The following DCDC1 variants were observed in gnomAD, a reference collection of about 807,000 sequenced individuals.
The protein encoded by DCDC1 is doublecortin domain-containing protein 1.
DCDC1 carries 200 observed loss-of-function variants against 178.3 expected under a neutral mutation model. That is an observed-to-expected ratio of 1.12 (90% CI 1.00 to 1.26). The LOEUF (loss-of-function observed/expected upper bound fraction) is 1.26, where lower values mean the gene tolerates loss of function less well. Ranked by LOEUF, DCDC1 falls within the 50% of genes most tolerant of loss-of-function variation. The probability of loss-of-function intolerance (pLI) is 0.00; values close to 1 mark genes in which losing one functional copy is unlikely to be tolerated. For missense variants in DCDC1, 1,983 were observed against 1,749.2 expected, an observed-to-expected ratio of 1.13 and a Z score of -2.38; for synonymous variants, 690 against 604.8, an observed-to-expected ratio of 1.14 and a Z score of -2.07.
In DCDC1 at chr11:30,900,348, T is replaced by C. The variant is rs1488817824; in HGVS notation, c.4661A>G (p.Asn1554Ser). The C allele has an allele frequency of 1.3e-6, 2 of 1,520,612 alleles. No individual in the cohort carries two copies. The highest frequency in any genetic ancestry group is 2.8e-5 in the African/African-American group (2 of 71,954). The allele number at this position is 1,520,612 out of a possible 1,614,324, so 94.2% of individuals were successfully genotyped here. ...VSCGEPFLPP[N>S]ALQKAEKLEK... ...GAAAGCAAAAACAAAAAAGTTACCA[T>C]TTGGAGGTAGAAATGGTTCACCACA... is the stretch of plus-strand genomic sequence containing the variant. Residue 1554 changes from asparagine to serine, a missense_variant and splice_region_variant, in exon 33 of 39, where the codon AAT (asparagine) becomes AGT (serine). Asn to Ser is a conservative substitution (Grantham distance 46, BLOSUM62 1). Coordinates refer to ENST00000684477, the MANE Select transcript of DCDC1 (RefSeq NM_001387274.1).
At chr11:30,911,569 G>A (rs777759687) in intron 27 of DCDC1, 149 bp from the exon 28 acceptor site, 21 of 672,730 alleles carry the variant, frequency 3.1e-5, no homozygotes, top group Admixed American at 9.4e-5. Context: ...CCTACAGTAA[G>A]TGTGATGTTA....
At chr11:31,314,034 C>T (rs980257835) in intron 3 of DCDC1, among the ~76,000 whole-genome samples, 5 of 152,098 alleles carry the variant, frequency 3.3e-5, no homozygotes, top group Admixed American at 2.6e-4. Context: ...GTTCCTTTTT[C>T]AGTATGATTT....
At chr11:31,190,971 C>A (rs2136348925) in intron 9 of DCDC1, among the ~76,000 whole-genome samples, 1 of 152,166 alleles carries the variant, frequency 6.6e-6, no homozygotes. Context: ...TCTAAGGATT[C>A]TCAAGTTCTT....
intron 9 of DCDC1, among the ~76,000 whole-genome samples, chr11:31,192,161 C>G (rs1047516209): frequency 9.2e-5 from 14 of 152,072 alleles, no homozygotes; most frequent in Non-Finnish European, 2.9e-5. Flanking sequence ...CCGTTAGGAC[C>G]TCACCAGCAC....
intron 1 of DCDC1, among the ~76,000 whole-genome samples, chr11:31,338,593 A>G (rs1273378612): frequency 6.6e-6 from 1 of 152,126 alleles, no homozygotes; most frequent in Non-Finnish European, 1.5e-5. Flanking sequence ...TTCCATCTAC[A>G]TGTTGCCACT....
Position 30,906,555 on chromosome 11 carries a change from G to T in DCDC1, c.4089C>A (p.Val1363=), listed in dbSNP as rs1945080532. Residue 1363 remains valine, a synonymous_variant, in exon 30 of 39, where the codon GTC becomes GTA. Transcript: ENST00000684477. ...QKPFLQGPFK[V]ISVAEVDLSC... Reference sequence around the variant, plus strand: ...CATTACATACCTCAGCCACACTGATGACCTTGAAGGGCCCTTGTAAGAAGG... The same window carrying T: ...CATTACATACCTCAGCCACACTGATTACCTTGAAGGGCCCTTGTAAGAAGG... The T allele has an allele frequency of 1.2e-6, 2 of 1,612,684 alleles. No individual in the cohort carries two copies. The highest frequency in any genetic ancestry group is 1.3e-5 in the African/African-American group (1 of 74,872).
intron 1 of DCDC1, among the ~76,000 whole-genome samples, chr11:31,365,285 T>C (rs137930910): frequency 6.6e-6 from 1 of 152,294 alleles, no homozygotes; most frequent in East Asian, 1.9e-4. Context: ...TTTGGTGGTT[T>C]TTCTATCTTC....
At chr11:30,948,566 A>G (rs1247830885) in intron 21 of DCDC1, among the ~76,000 whole-genome samples, 1 of 152,188 alleles carries the variant, frequency 6.6e-6, no homozygotes, top group Non-Finnish European at 1.5e-5. Flanking sequence ...AAGCTAAAAG[A>G]ACAAAGCTGG....
intron 9 of DCDC1, among the ~76,000 whole-genome samples, chr11:31,182,170 C>G (rs1015131884): frequency 2.0e-5 from 3 of 152,204 alleles, no homozygotes; most frequent in Non-Finnish European, 4.4e-5. Flanking sequence ...AAACACTCTT[C>G]AGGACATTAT....
At chr11:31,202,874 C>T (rs181220167) in intron 9 of DCDC1, among the ~76,000 whole-genome samples, 78 of 152,162 alleles carry the variant, frequency 5.1e-4, no homozygotes, top group Admixed American at 2.2e-3. Context: ...CAGCAGCTGA[C>T]CCACTGTTTC....
chr11:31,156,502 C>A (rs187720439), intron 9 of DCDC1, among the ~76,000 whole-genome samples: 3,327 of 151,912 alleles, frequency 0.022, 120 homozygotes, highest in African/African-American at 0.075. Flanking sequence ...TAAAAAGAAA[C>A]AGGTAAAATT....
chr11:31,310,598 G>A (rs183572045), intron 3 of DCDC1, among the ~76,000 whole-genome samples: 5 of 151,818 alleles, frequency 3.3e-5, no homozygotes, highest in South Asian at 2.1e-4. Flanking sequence ...GGATTACACC[G>A]CGCCCAGCCT....
chr11:31,127,765 T>C, intron 10 of DCDC1, 126 bp from the exon 11 acceptor site: 1 of 575,220 alleles, frequency 1.7e-6, no homozygotes, highest in Non-Finnish European at 3.1e-6. Flanking sequence ...AGTACAGATC[T>C]ATCCTCAAGT....
chr11:31,347,072 G>A (rs1316391271), intron 1 of DCDC1, among the ~76,000 whole-genome samples: 3 of 152,124 alleles, frequency 2.0e-5, no homozygotes, highest in Non-Finnish European at 4.4e-5. Context: ...GTATTAGAGA[G>A]TACATGAGCA....
In DCDC1 at chr11:31,307,740, T is replaced by C. The variant is rs752376657; in HGVS notation, c.333A>G (p.Ile111Met). Residue 111 changes from isoleucine to methionine, a missense_variant, in exon 4 of 39, where the codon ATA becomes ATG. Ile to Met is a conservative substitution (Grantham distance 10). Transcript: ENST00000684477. ...TTGATTTGTAGCTATCTAGGTCTGA[T>C]ATTTCATCATGGCTGTGATCTGATG... is the stretch of plus-strand genomic sequence containing the variant. Reference protein sequence around the residue: ...QTASDHSHDEISDLDSYKSNS... With the variant: ...QTASDHSHDEMSDLDSYKSNS... 1 of 1,614,138 alleles carries C rather than the reference T, an allele frequency of 6.2e-7. No individual in the cohort carries two copies. The highest frequency in any genetic ancestry group is 8.5e-7 in the Non-Finnish European group (1 of 1,180,006).
chr11:31,104,503 C>G (rs1265019353), intron 13 of DCDC1, among the ~76,000 whole-genome samples: 1 of 151,636 alleles, frequency 6.6e-6, no homozygotes, highest in Non-Finnish European at 1.5e-5. Context: ...TCATGAAAAA[C>G]AAAACAAAAG....
At chr11:31,152,694 T>C (rs1443217888) in intron 9 of DCDC1, among the ~76,000 whole-genome samples, 1 of 152,202 alleles carries the variant, frequency 6.6e-6, no homozygotes, top group Non-Finnish European at 1.5e-5. Context: ...TTCTACTGTC[T>C]TGTGGTGTGC....
chr11:31,031,199 T>C (rs561163632), intron 20 of DCDC1, among the ~76,000 whole-genome samples: 7 of 152,262 alleles, frequency 4.6e-5, no homozygotes, highest in African/African-American at 1.4e-4. Flanking sequence ...AGTAGAATGG[T>C]AGGAACTAAC....
intron 20 of DCDC1, among the ~76,000 whole-genome samples, chr11:30,998,954 G>A (rs984332533): frequency 1.6e-4 from 25 of 152,006 alleles, no homozygotes; most frequent in African/African-American, 6.0e-4. Flanking sequence ...TGCACCCCCT[G>A]ATATAATGCA....
Sources: allele counts gnomAD v4.1 joint callset (sites outside exome capture counted in the v4.1 genomes callset), GRCh38; gene constraint gnomAD v4.1.1; transcripts MANE v1.5; gene names NCBI Gene and HGNC (gene_info 2026-07-23, HGNC 2026-07-21).